The following ARMH3 variants were observed in gnomAD, a reference collection of about 807,000 sequenced individuals.
The protein encoded by ARMH3 is armadillo like helical domain containing 3.
A neutral mutation model predicts 99.1 loss-of-function variants in ARMH3; 60 were observed. The observed-to-expected ratio is 0.61, with a 90% confidence interval of 0.49 to 0.75. The LOEUF (loss-of-function observed/expected upper bound fraction) is 0.75, where lower values mean the gene tolerates loss of function less well. Ranked by LOEUF, ARMH3 falls within the 30% of genes least tolerant of loss-of-function variation. The pLI is 0.00. For synonymous variants in ARMH3, 285 were observed against 292.8 expected (o/e 0.97, Z 0.27); for missense variants, 679 against 843.1 (o/e 0.81, Z 2.41).
intron 19 of ARMH3, among the ~76,000 whole-genome samples, chr10:101,977,015 A>T (rs910715255): frequency 6.6e-5 from 10 of 152,110 alleles, no homozygotes; most frequent in African/African-American, 1.9e-4. Context: ...AAACTGTAAA[A>T]TTTAAATTCT....
chr10:101,964,626 G>A (rs1347608145), intron 20 of ARMH3, among the ~76,000 whole-genome samples: 2 of 152,090 alleles, frequency 1.3e-5, no homozygotes, highest in Admixed American at 6.6e-5. Context: ...GTTACAAAAG[G>A]ACAAATGCTG....
intron 2 of ARMH3, among the ~76,000 whole-genome samples, chr10:102,036,228 G>A (rs1257979005): frequency 2.5e-4 from 38 of 149,718 alleles, no homozygotes; most frequent in East Asian, 1.6e-3. Context: ...GCCCCCGCCC[G>A]GCCAGCCGCC....
At position 102,025,201 on chromosome 10, in the gene ARMH3, T is replaced by G. The variant is rs1191339114; in HGVS notation, c.462A>C (p.Glu154Asp). 4 of 1,613,852 alleles carry G rather than the reference T, an allele frequency of 2.5e-6. No individual in the cohort carries two copies. In the Admixed American group the frequency reaches 6.7e-5, roughly 27 times the overall value. ...GTTTCAGACATAAACTCTTCAGACTTTCAGAACCTTCTGCACAAAGCAATG... is the reference window on the plus strand; with the variant it reads ...GTTTCAGACATAAACTCTTCAGACTGTCAGAACCTTCTGCACAAAGCAATG... ...LDSLLCAEGS[E>D]SLKSLCLKLL... Residue 154 changes from glutamate (E) to aspartate (D), a missense_variant, in exon 6 of 26, where the codon GAA (glutamate) becomes GAC (aspartate). Physicochemically the swap from Glu to Asp is conservative, Grantham distance 45 (BLOSUM62 2). This residue lies in a region of ARMH3 where 280 missense variants were observed against 354.6 expected (regional missense o/e 0.79). Transcript: ENST00000370033.
chr10:102,015,485 G>C (rs1168959702), intron 8 of ARMH3, among the ~76,000 whole-genome samples: 1 of 151,544 alleles, frequency 6.6e-6, no homozygotes, highest in Non-Finnish European at 1.5e-5. Context: ...CTGCCTCCCA[G>C]GTTCAAGCGA....
chr10:102,008,516 TG>T (rs1051343042), intron 13 of ARMH3, among the ~76,000 whole-genome samples: 5 of 151,992 alleles, frequency 3.3e-5, no homozygotes, highest in African/African-American at 9.7e-5. Context: ...TATTTTTGTT[TG>T]TTTTTTTATT....
intron 13 of ARMH3, among the ~76,000 whole-genome samples, chr10:102,008,702 G>A (rs184509866): frequency 2.0e-4 from 30 of 151,884 alleles, no homozygotes; most frequent in Admixed American, 1.6e-3. Context: ...ACAGGCGTCC[G>A]CCACCACGCC....
At chr10:102,025,283 C>T (rs1183262117) in intron 5 of ARMH3, 35 bp from the exon 6 acceptor site, 2 of 1,540,476 alleles carry the variant, frequency 1.3e-6, no homozygotes, top group Non-Finnish European at 1.8e-6. Context: ...TAAACCATAC[C>T]AGATAACACC....
At position 101,991,959 on chromosome 10, in the gene ARMH3, A is replaced by T; in HGVS notation, c.1345+10T>A. On this transcript the variant is annotated intron_variant, in intron 18 of 25. Coordinates refer to ENST00000370033, the MANE Select transcript of ARMH3 (RefSeq NM_024541.3). ...ACAGAACAATGTCAATGTTGATGAT[A>T]CTCACTCACCCAGTACTGCACATAC... 6.2e-7 allele frequency: 1 copy of T among 1,609,190 alleles called. No homozygotes were observed. Among genetic ancestry groups the T allele is most frequent in the Non-Finnish European group, 8.5e-7 (1 of 1,175,656 alleles).
intron 23 of ARMH3, among the ~76,000 whole-genome samples, chr10:101,932,332 A>G (rs557789221): frequency 6.6e-6 from 1 of 152,378 alleles, no homozygotes; most frequent in East Asian, 1.9e-4. Flanking sequence ...GGAAAGTAAC[A>G]TGGTGCAGCC....
At chr10:101,955,961 T>C (rs559699599) in intron 22 of ARMH3, among the ~76,000 whole-genome samples, 16 of 152,320 alleles carry the variant, frequency 1.1e-4, no homozygotes, top group African/African-American at 3.6e-4. Context: ...AATAAGATAG[T>C]TTTACTGAGT....
At chr10:101,925,878 T>C (rs1843490163) in intron 23 of ARMH3, among the ~76,000 whole-genome samples, 1 of 152,114 alleles carries the variant, frequency 6.6e-6, no homozygotes, top group South Asian at 2.1e-4. Flanking sequence ...GCTACTGCAT[T>C]CCAGCCTGGG....
chr10:101,851,385 T>A (rs1468572702), intron 24 of ARMH3, among the ~76,000 whole-genome samples: 2 of 152,202 alleles, frequency 1.3e-5, no homozygotes, highest in African/African-American at 2.4e-5. Flanking sequence ...TCATTCACTC[T>A]GATCATCGGA....
rs745889967 is a variant in ARMH3, at chr10:102,022,491, T to TA, written c.669+985dup. Among the ~76,000 whole-genome samples the TA allele has an allele frequency of 9.1e-3, 779 of 85,274 alleles. 7 individuals are homozygous for TA. Among genetic ancestry groups the TA allele is most frequent in the Non-Finnish European group, 0.01 (453 of 43,266 alleles). 55.9% of individuals were successfully genotyped at this position (85,274 alleles called of 152,430 possible). A position where few individuals can be genotyped will look rare whatever the true frequency, so the allele number is the denominator to read the frequency against. ...TGGGCGACAGAGCGAGACTCTGACT[T>TA]AAAAAAAAAAAAAAAAAAAAAAAAT... On this transcript the variant is annotated intron_variant, in intron 8 of 25. Coordinates refer to ENST00000370033, the MANE Select transcript of ARMH3 (RefSeq NM_024541.3).
chr10:101,916,761 C>T (rs1209186136), intron 23 of ARMH3, among the ~76,000 whole-genome samples: 1 of 152,196 alleles, frequency 6.6e-6, no homozygotes, highest in Non-Finnish European at 1.5e-5. Flanking sequence ...AAGATCCACC[C>T]TCACCAATAT....
intron 8 of ARMH3, among the ~76,000 whole-genome samples, chr10:102,016,119 A>T (rs2066745367): frequency 6.6e-6 from 1 of 152,232 alleles, no homozygotes; most frequent in Non-Finnish European, 1.5e-5. Context: ...TGGGTAACAG[A>T]GTGAGACCCT....
chr10:101,937,217 C>T (rs1844021250), intron 23 of ARMH3, among the ~76,000 whole-genome samples: 1 of 152,110 alleles, frequency 6.6e-6, no homozygotes, highest in Non-Finnish European at 1.5e-5. Flanking sequence ...TGAACTTGGA[C>T]TTAGAAGACC....
chr10:101,883,875 C>T (rs2067475444), intron 24 of ARMH3, among the ~76,000 whole-genome samples: 1 of 151,762 alleles, frequency 6.6e-6, no homozygotes, highest in Non-Finnish European at 1.5e-5. Flanking sequence ...CACTTGTGGT[C>T]CTAGTTATTC....
At chr10:101,907,228 C>T (rs1302249015) in intron 23 of ARMH3, among the ~76,000 whole-genome samples, 1 of 152,108 alleles carries the variant, frequency 6.6e-6, no homozygotes, top group Non-Finnish European at 1.5e-5. Context: ...GAACTCCTTG[C>T]TCTTCTAGAT....
intron 7 of ARMH3, 47 bp downstream of exon 7, chr10:102,023,628 T>G (rs371354259): frequency 3.7e-6 from 6 of 1,610,010 alleles, no homozygotes; most frequent in Non-Finnish European, 5.1e-6. Flanking sequence ...CAGAGAAAAT[T>G]TGAAGAGGTG....
Sources: gnomAD v4.1 joint callset for allele counts (sites outside exome capture counted in the v4.1 genomes callset) on GRCh38, gnomAD v4.1.1 for gene constraint, gnomAD v4.1.1 regional missense constraint, MANE v1.5 for transcripts, NCBI Gene and HGNC (gene_info 2026-07-23, HGNC 2026-07-21) for gene names.